The following CAMK1D variants were observed in gnomAD, a reference collection of about 807,000 sequenced individuals.
CAMK1D encodes the protein calcium/calmodulin dependent protein kinase ID.
A neutral mutation model predicts 47.7 loss-of-function variants in CAMK1D; 9 were observed. The observed-to-expected ratio is 0.19, with a 90% CI of 0.11 to 0.33. The LOEUF (loss-of-function observed/expected upper bound fraction) is 0.33, where lower values mean the gene tolerates loss of function less well. Ranked by LOEUF, CAMK1D falls within the 10% of genes least tolerant of loss-of-function variation. The probability of loss-of-function intolerance (pLI) is 1.00; values close to 1 mark genes in which losing one functional copy is unlikely to be tolerated. For synonymous variants in CAMK1D, 184 were observed against 184.9 expected, an observed-to-expected ratio of 0.99 and a Z score of 0.04; for missense variants, 291 against 488.7, an observed-to-expected ratio of 0.60 and a Z score of 3.81.
chr10:12,764,514 C>T (rs565836983), intron 4 of CAMK1D, among the ~76,000 whole-genome samples: 2,870 of 149,886 alleles, frequency 0.019, 106 homozygotes, highest in African/African-American at 0.067. Flanking sequence ...GTGCGATGCT[C>T]TGAGCCCTTT....
intron 1 of CAMK1D, among the ~76,000 whole-genome samples, chr10:12,425,533 C>T (rs755049579): frequency 4.6e-5 from 7 of 152,160 alleles, no homozygotes; most frequent in Admixed American, 1.3e-4. Flanking sequence ...CTGCCTGCCT[C>T]GGCCTCCCAA....
intron 2 of CAMK1D, among the ~76,000 whole-genome samples, chr10:12,613,349 C>T (rs193237196): frequency 1.4e-4 from 21 of 152,230 alleles, no homozygotes; most frequent in Admixed American, 3.9e-4. Context: ...TGGCATTACA[C>T]GAGACTGTGA....
At chr10:12,572,576 G>A (rs1837360911) in intron 2 of CAMK1D, among the ~76,000 whole-genome samples, 2 of 152,142 alleles carry the variant, frequency 1.3e-5, no homozygotes, top group African/African-American at 4.8e-5. Context: ...GCATCTGACT[G>A]TGAAAGTCCT....
chr10:12,608,593 A>G (rs1159881617), intron 2 of CAMK1D, among the ~76,000 whole-genome samples: 1 of 152,232 alleles, frequency 6.6e-6, no homozygotes, highest in African/African-American at 2.4e-5. Context: ...TGGCATCTGC[A>G]AAGAGCCACC....
rs184384808 is a variant in CAMK1D, at chr10:12,716,104, A to C, written c.300-44844A>C. Among the ~76,000 whole-genome samples the C allele has an allele frequency of 2.6e-3, 398 of 152,210 alleles. 3 individuals carry two copies. The highest frequency in any genetic ancestry group is 0.024 in the Admixed American group (373 of 15,282). On this transcript the variant is annotated intron_variant, in intron 3 of 10. Transcript: ENST00000619168. ...AAGCATCTATCGTCAAGTTCTAGGA[A>C]GGGGGAGAATGAGGGGACACCTTCC...
At chr10:12,753,056 A>G (rs961427640) in intron 3 of CAMK1D, among the ~76,000 whole-genome samples, 1 of 152,206 alleles carries the variant, frequency 6.6e-6, no homozygotes, top group African/African-American at 2.4e-5. Flanking sequence ...GATTGAGACC[A>G]TCGTGGCCAA....
At chr10:12,557,983 A>T (rs939296558) in intron 2 of CAMK1D, among the ~76,000 whole-genome samples, 1 of 152,258 alleles carries the variant, frequency 6.6e-6, no homozygotes, top group Non-Finnish European at 1.5e-5. Context: ...TGATCAGTAG[A>T]TATTAAATGA....
At chr10:12,516,300 G>T (rs1054969633) in intron 1 of CAMK1D, among the ~76,000 whole-genome samples, 2 of 151,954 alleles carry the variant, frequency 1.3e-5, no homozygotes, top group Non-Finnish European at 2.9e-5. Context: ...GTAGAGACGG[G>T]GTTTCACCAT....
chr10:12,491,037 G>A (rs1474769007), intron 1 of CAMK1D, among the ~76,000 whole-genome samples: 1 of 152,260 alleles, frequency 6.6e-6, no homozygotes, highest in East Asian at 1.9e-4. Flanking sequence ...TAAGGAAAAT[G>A]GTTCTGTGCA....
intron 3 of CAMK1D, among the ~76,000 whole-genome samples, chr10:12,738,310 ATAGAT>A (rs1001568995): frequency 1.3e-5 from 2 of 152,244 alleles, no homozygotes; most frequent in African/African-American, 4.8e-5. Flanking sequence ...AAAGAGTCAC[ATAGAT>A]TAATCAGAAA....
chr10:12,417,594 A>G (rs1839898171), intron 1 of CAMK1D, among the ~76,000 whole-genome samples: 1 of 152,120 alleles, frequency 6.6e-6, no homozygotes, highest in African/African-American at 2.4e-5. Flanking sequence ...ACTGGGGTTC[A>G]GCCACAGTTG....
At chr10:12,395,059 A>G (rs1214405709) in intron 1 of CAMK1D, among the ~76,000 whole-genome samples, 2 of 134,644 alleles carry the variant, frequency 1.5e-5, no homozygotes, top group African/African-American at 5.8e-5. Flanking sequence ...TTTTTTTAAA[A>G]TTTTAATTTT....
intron 2 of CAMK1D, 53 bp downstream of exon 2, chr10:12,553,409 C>G (rs1836653381): frequency 2.8e-6 from 4 of 1,454,468 alleles, no homozygotes; most frequent in Non-Finnish European, 3.9e-6. Flanking sequence ...GCCCGTGTGT[C>G]CTGCAGGAGT....
chr10:12,530,388 T>G (rs1298722240), intron 1 of CAMK1D, among the ~76,000 whole-genome samples: 1 of 152,216 alleles, frequency 6.6e-6, no homozygotes, highest in Non-Finnish European at 1.5e-5. Context: ...TCTTCCTTTC[T>G]GGGCCTCAGT....
At chr10:12,724,684 C>T (rs146480161) in intron 3 of CAMK1D, among the ~76,000 whole-genome samples, 38 of 152,290 alleles carry the variant, frequency 2.5e-4, no homozygotes, top group African/African-American at 8.9e-4. Flanking sequence ...ACCGGGCAAC[C>T]GCTGTCTGAG....
chr10:12,446,224 A>G (rs1832921039), intron 1 of CAMK1D, among the ~76,000 whole-genome samples: 1 of 152,158 alleles, frequency 6.6e-6, no homozygotes, highest in African/African-American at 2.4e-5. Context: ...AGGAATCAAG[A>G]ATGGCTAATC....
intron 3 of CAMK1D, among the ~76,000 whole-genome samples, chr10:12,743,344 C>G (rs1452453112): frequency 2.0e-5 from 2 of 99,112 alleles, no homozygotes; most frequent in Non-Finnish European, 4.1e-5. Flanking sequence ...AAGACCCTGT[C>G]TCAAAAAAAA....
rs1402538233 is a variant in CAMK1D at position 12,507,749 on chromosome 10, A to G, written c.93-45476A>G. On this transcript the variant is annotated intron_variant, in intron 1 of 10. Transcript: ENST00000619168. ...CAGCTGGGCCCTTCCTGTGGTTCCC[A>G]ATTCTTTTATTTCTCTCGTGTTAAT... 2.6e-5 allele frequency among the ~76,000 whole-genome samples: 4 copies of G among 152,042 alleles called. No homozygotes were observed. In the East Asian group the frequency reaches 7.7e-4, roughly 29 times the overall value.
Position 12,493,066 on chromosome 10 carries a change from G to C in CAMK1D, c.93-60159G>C, listed in dbSNP as rs556105334. Among the ~76,000 whole-genome samples, 13 of 152,286 alleles carry C rather than the reference G, an allele frequency of 8.5e-5. No homozygotes were observed. The South Asian group carries it at 2.7e-3, about 32-fold the overall frequency. On this transcript the variant is annotated intron_variant, in intron 1 of 10. Coordinates refer to ENST00000619168, the MANE Select transcript of CAMK1D (RefSeq NM_153498.4). The stretch of plus-strand genomic sequence containing the variant: ...TTGCACACTTGCTTTCTGTACTCTT[G>C]TTGATAACAGGGCATTGTGGCATGT...
Sources: gnomAD v4.1 joint callset for allele counts (sites outside exome capture counted in the v4.1 genomes callset) on GRCh38, gnomAD v4.1.1 for gene constraint, MANE v1.5 for transcripts, NCBI Gene and HGNC (gene_info 2026-07-23, HGNC 2026-07-21) for gene names.